Variants in DNAH7 observed in about 807,000 individuals in gnomAD.
DNAH7 encodes the protein axonemal beta dynein heavy chain 7.
A neutral mutation model predicts 444.6 loss-of-function variants in DNAH7; 397 were observed. The ratio of observed to expected loss-of-function variants is 0.89; its 90% CI spans 0.82 to 0.97. The LOEUF (loss-of-function observed/expected upper bound fraction) is 0.97. DNAH7 is among the 50% of genes least tolerant of loss of function. The probability of loss-of-function intolerance (pLI) is 0.00; values close to 1 mark genes in which losing one functional copy is unlikely to be tolerated. For synonymous variants in DNAH7, 1,636 were observed against 1,624.4 expected, an observed-to-expected ratio of 1.01 and a Z score of -0.17; for missense variants, 4,902 against 4,800.8, an observed-to-expected ratio of 1.02 and a Z score of -0.62.
chr2:195,925,953 C>A (rs546417122), intron 22 of DNAH7, among the ~76,000 whole-genome samples: 5 of 151,994 alleles, frequency 3.3e-5, no homozygotes, highest in Admixed American at 2.6e-4. Context: ...TAATACTAAG[C>A]ATCATTTAAA....
At chr2:196,023,336 G>A (rs553087442) in intron 8 of DNAH7, among the ~76,000 whole-genome samples, 104 of 152,218 alleles carry the variant, frequency 6.8e-4, no homozygotes, top group African/African-American at 2.4e-3. Flanking sequence ...TATAAAACCT[G>A]AGCAACTGTG....
intron 47 of DNAH7, among the ~76,000 whole-genome samples, chr2:195,836,107 C>T (rs1029392487): frequency 3.3e-5 from 5 of 152,116 alleles, no homozygotes; most frequent in African/African-American, 9.7e-5. Context: ...TCCTATATGG[C>T]CTCTGCTCCA....
intron 2 of DNAH7, among the ~76,000 whole-genome samples, chr2:196,051,563 C>G (rs192155573): frequency 6.6e-6 from 1 of 152,140 alleles, no homozygotes; most frequent in Admixed American, 6.5e-5. Context: ...GTCAGGAGAT[C>G]GAGACCATCC....
At chr2:196,026,557 T>A (rs547097883) in intron 7 of DNAH7, among the ~76,000 whole-genome samples, 1 of 152,284 alleles carries the variant, frequency 6.6e-6, no homozygotes, top group African/African-American at 2.4e-5. Flanking sequence ...TGGGGATATA[T>A]CCCTACAAAT....
At chr2:195,775,244 A>G (rs1025698779) in intron 60 of DNAH7, among the ~76,000 whole-genome samples, 5 of 152,192 alleles carry the variant, frequency 3.3e-5, no homozygotes, top group Admixed American at 3.3e-4. Context: ...CCCACACCCC[A>G]GTGCGCTTAT....
chr2:195,855,059 G>A (rs1055086524), intron 45 of DNAH7, among the ~76,000 whole-genome samples: 3 of 152,152 alleles, frequency 2.0e-5, no homozygotes, highest in African/African-American at 4.8e-5. Context: ...CTGGGTTGAC[G>A]ATGGACAAGT....
intron 56 of DNAH7, 28 bp from the exon 57 acceptor site, chr2:195,794,566 G>A (rs1187326766): frequency 5.6e-6 from 9 of 1,605,218 alleles, no homozygotes; most frequent in East Asian, 2.2e-5. Flanking sequence ...AGATACAAAA[G>A]AGTAAATAAA....
chr2:195,763,355 C>A (rs1226336233), intron 61 of DNAH7, among the ~76,000 whole-genome samples: 1 of 151,402 alleles, frequency 6.6e-6, no homozygotes, highest in Non-Finnish European at 1.5e-5. Flanking sequence ...AAACCAAACC[C>A]AAAATTAATA....
intron 58 of DNAH7, 99 bp from the exon 59 acceptor site, chr2:195,778,084 A>G: frequency 8.5e-7 from 1 of 1,175,818 alleles, no homozygotes; most frequent in Non-Finnish European, 1.1e-6. Context: ...TCTTACAAAA[A>G]GTTCGCATTA....
chr2:195,941,329 C>T (rs1297838162), intron 19 of DNAH7, among the ~76,000 whole-genome samples: 1 of 151,074 alleles, frequency 6.6e-6, no homozygotes, highest in East Asian at 1.9e-4. Context: ...AATGAGAACA[C>T]ATGGACACAG....
At chr2:195,813,378 C>T (rs981337211) in intron 51 of DNAH7, among the ~76,000 whole-genome samples, 1 of 152,130 alleles carries the variant, frequency 6.6e-6, no homozygotes, top group African/African-American at 2.4e-5. Flanking sequence ...ACTAGTCAGA[C>T]CTTTGTCAGT....
chr2:195,820,804 A>C (rs1697432330), intron 49 of DNAH7, among the ~76,000 whole-genome samples: 1 of 152,180 alleles, frequency 6.6e-6, no homozygotes, highest in African/African-American at 2.4e-5. Flanking sequence ...GAACTAGGAG[A>C]GAAGAAACAA....
At chr2:195,958,286 T>C (rs745354304) in intron 18 of DNAH7, among the ~76,000 whole-genome samples, 1 of 152,182 alleles carries the variant, frequency 6.6e-6, no homozygotes, top group Non-Finnish European at 1.5e-5. Context: ...TTCATGATGA[T>C]CCACTGGCAC....
At chr2:195,916,551 A>C (rs1456460943) in intron 24 of DNAH7, among the ~76,000 whole-genome samples, 1 of 151,694 alleles carries the variant, frequency 6.6e-6, no homozygotes, top group African/African-American at 2.4e-5. Context: ...AGGGAAAGGC[A>C]GACTCACAAT....
intron 21 of DNAH7, among the ~76,000 whole-genome samples, chr2:195,931,372 T>C (rs1451226609): frequency 6.6e-6 from 1 of 152,152 alleles, no homozygotes; most frequent in East Asian, 1.9e-4. Context: ...TTCTGTAGGT[T>C]GCCTGTTCAC....
At chr2:196,017,694 A>G (rs1695118981) in intron 9 of DNAH7, among the ~76,000 whole-genome samples, 1 of 138,312 alleles carries the variant, frequency 7.2e-6, no homozygotes, top group Non-Finnish European at 1.5e-5. Flanking sequence ...TGATCGCTCC[A>G]TTAAGGGGGA....
chr2:195,825,436 C>T (rs998639986), intron 48 of DNAH7, among the ~76,000 whole-genome samples: 1 of 152,042 alleles, frequency 6.6e-6, no homozygotes, highest in African/African-American at 2.4e-5. Flanking sequence ...AATGTTTCCC[C>T]ATGTTATTGA....
intron 16 of DNAH7, among the ~76,000 whole-genome samples, chr2:195,970,707 A>T (rs912102186): frequency 4.6e-5 from 7 of 152,230 alleles, no homozygotes; most frequent in Non-Finnish European, 8.8e-5. Flanking sequence ...AAGCCTTATT[A>T]CATAATTGGT....
intron 2 of DNAH7, among the ~76,000 whole-genome samples, chr2:196,052,372 A>T (rs1185148383): frequency 5.3e-5 from 8 of 152,242 alleles, no homozygotes; most frequent in African/African-American, 1.7e-4. Flanking sequence ...TGTAACTACC[A>T]AACACTTGAA....
Sources: gnomAD v4.1 joint callset for allele counts (sites outside exome capture counted in the v4.1 genomes callset) on GRCh38, gnomAD v4.1.1 for gene constraint, MANE v1.5 for transcripts, NCBI Gene and HGNC (gene_info 2026-07-23, HGNC 2026-07-21) for gene names.